The following KCNQ5 variants were observed in gnomAD, a reference collection of about 807,000 sequenced individuals.
The protein encoded by KCNQ5 is potassium voltage-gated channel subfamily Q member 5.
Under a neutral mutation model 98.2 loss-of-function variants are expected in KCNQ5, and 30 were observed. The ratio of observed to expected loss-of-function variants is 0.31; its 90% CI spans 0.23 to 0.41. The LOEUF (loss-of-function observed/expected upper bound fraction) is 0.41, where lower values mean the gene tolerates loss of function less well. Ranked by LOEUF, KCNQ5 falls within the 10% of genes least tolerant of loss-of-function variation. The probability of loss-of-function intolerance (pLI) is 1.00; values close to 1 mark genes in which losing one functional copy is unlikely to be tolerated. For synonymous variants in KCNQ5, 458 were observed against 449.4 expected, an observed-to-expected ratio of 1.02 and a Z score of -0.24; for missense variants, 835 against 1,182.5, an observed-to-expected ratio of 0.71 and a Z score of 4.31.
intron 1 of KCNQ5, among the ~76,000 whole-genome samples, chr6:72,835,153 A>G (rs749665887): frequency 1.6e-4 from 25 of 152,076 alleles, no homozygotes; most frequent in Non-Finnish European, 2.9e-4. Context: ...GTCAATGTGT[A>G]TAATGGTTTC....
intron 1 of KCNQ5, among the ~76,000 whole-genome samples, chr6:72,855,121 C>A (rs1777470057): frequency 6.6e-6 from 1 of 151,958 alleles, no homozygotes; most frequent in African/African-American, 2.4e-5. Context: ...CCAAGCCTCA[C>A]CAGTATTAAA....
intron 11 of KCNQ5, among the ~76,000 whole-genome samples, chr6:73,187,217 A>G (rs9360647): frequency 0.62 from 94,338 of 151,786 alleles, 31,940 homozygotes; most frequent in African/African-American, 0.9. Flanking sequence ...CCGTCACCAC[A>G]CCCAGCTAAT....
chr6:72,895,195 A>G (rs978362372), intron 1 of KCNQ5, among the ~76,000 whole-genome samples: 3 of 150,042 alleles, frequency 2.0e-5, no homozygotes, highest in Admixed American at 2.0e-4. Context: ...AGGCTGAGGC[A>G]GGAGAATGGC....
chr6:73,159,956 C>T (rs1482711962), intron 10 of KCNQ5, among the ~76,000 whole-genome samples: 1 of 152,150 alleles, frequency 6.6e-6, no homozygotes, highest in Admixed American at 6.5e-5. Flanking sequence ...CGTTATTATT[C>T]CTCCACAGAC....
chr6:72,822,898 T>C (rs756197008), intron 1 of KCNQ5, among the ~76,000 whole-genome samples: 1 of 152,196 alleles, frequency 6.6e-6, no homozygotes, highest in Non-Finnish European at 1.5e-5. Flanking sequence ...AAACCACCTG[T>C]ATTCCTTGAC....
At position 73,105,439 on chromosome 6, in the gene KCNQ5, T is replaced by C; in HGVS notation, c.1029+72T>C. The C allele has an allele frequency of 3.5e-6, 3 of 848,840 alleles. No individual in the cohort carries two copies. In the South Asian group the frequency reaches 6.0e-5, roughly 17 times the overall value. 52.6% of individuals were successfully genotyped at this position (848,840 alleles called of 1,614,324 possible). A position where few individuals can be genotyped will look rare whatever the true frequency, so the allele number is the denominator to read the frequency against. On this transcript the variant is annotated intron_variant, in intron 6 of 13. Coordinates refer to ENST00000370398, the MANE Select transcript of KCNQ5 (RefSeq NM_019842.4). ...ACTTATTAGAGTGAGCTCTCACAAA[T>C]TCGTATGCTTGGGAACATATCTATA...
rs912987593 is a variant in KCNQ5 at position 73,160,657 on chromosome 6, A to G, written c.1469-9089A>G. The stretch of plus-strand genomic sequence containing the variant: ...GTTGTCTCAAATTGCTCCTCTGCAA[A>G]ATATATCAGCAGCACCAAGGAACAC... On this transcript the variant is annotated intron_variant, in intron 10 of 13. Coordinates refer to ENST00000370398, the MANE Select transcript of KCNQ5 (RefSeq NM_019842.4). 1.1e-4 allele frequency among the ~76,000 whole-genome samples: 17 copies of G among 152,298 alleles called. No individual in the cohort carries two copies. The East Asian group carries it at 3.3e-3, about 29-fold the overall frequency.
chr6:72,902,052 A>C (rs746763137), intron 1 of KCNQ5, among the ~76,000 whole-genome samples: 9 of 152,122 alleles, frequency 5.9e-5, no homozygotes, highest in Non-Finnish European at 1.3e-4. Context: ...TTCCTTGTAG[A>C]GGTCTTTCAC....
At chr6:72,850,466 G>A (rs140638891) in intron 1 of KCNQ5, among the ~76,000 whole-genome samples, 58 of 152,264 alleles carry the variant, frequency 3.8e-4, no homozygotes, top group African/African-American at 1.4e-3. Context: ...TACACACACA[G>A]CAGCAGCACT....
chr6:73,125,482 G>C lies in KCNQ5; in HGVS notation c.1247+970G>C, dbSNP rs141754539. 3.8e-3 allele frequency: 1,966 copies of C among 517,462 alleles called. 32 individuals are homozygous for C. Among genetic ancestry groups the C allele is most frequent in the African/African-American group, 0.034 (1,742 of 51,968 alleles). 32.1% of individuals were successfully genotyped at this position (517,462 alleles called of 1,614,324 possible). A position where few individuals can be genotyped will look rare whatever the true frequency, so the allele number is the denominator to read the frequency against. On this transcript the variant is annotated intron_variant, in intron 9 of 13. Coordinates refer to ENST00000370398, the MANE Select transcript of KCNQ5 (RefSeq NM_019842.4). ...CATTTTTTTTCCTATCATTGTCACT[G>C]TGTTTCCATAAAGAAATGAAGGCAT...
At chr6:73,019,444 A>G (rs1216521797) in intron 2 of KCNQ5, among the ~76,000 whole-genome samples, 1 of 152,190 alleles carries the variant, frequency 6.6e-6, no homozygotes, top group South Asian at 2.1e-4. Flanking sequence ...TCAAAAGCAC[A>G]CTATATTCTG....
At position 72,981,679 on chromosome 6, in the gene KCNQ5, G is replaced by C. The variant is rs1194472657; in HGVS notation, c.399-22229G>C. 2.0e-5 allele frequency among the ~76,000 whole-genome samples: 3 copies of C among 152,056 alleles called. No homozygotes were observed. The South Asian group carries it at 6.2e-4, about 31-fold the overall frequency. On this transcript the variant is annotated intron_variant, in intron 1 of 13. Transcript: ENST00000370398. ...CTCCTTCAGTTCTGCTCTGATCTTA[G>C]TTATTCCTTGCCTTCTGCTAGCTTT...
chr6:72,970,579 G>C (rs984623842), intron 1 of KCNQ5, among the ~76,000 whole-genome samples: 5 of 152,096 alleles, frequency 3.3e-5, no homozygotes, highest in African/African-American at 1.2e-4. Context: ...GAGGCATCAC[G>C]CTACCTAACT....
At chr6:72,741,158 A>G (rs1771113752) in intron 1 of KCNQ5, among the ~76,000 whole-genome samples, 1 of 152,244 alleles carries the variant, frequency 6.6e-6, no homozygotes, top group Non-Finnish European at 1.5e-5. Flanking sequence ...ATAGGCAACG[A>G]GTTGAACTTT....
intron 1 of KCNQ5, among the ~76,000 whole-genome samples, chr6:72,977,023 A>G (rs1240184964): frequency 6.6e-6 from 1 of 152,274 alleles, no homozygotes; most frequent in Non-Finnish European, 1.5e-5. Context: ...TTTATATAAT[A>G]AACCAATATA....
intron 1 of KCNQ5, among the ~76,000 whole-genome samples, chr6:72,951,855 G>A (rs1275598102): frequency 6.6e-6 from 1 of 152,128 alleles, no homozygotes; most frequent in Non-Finnish European, 1.5e-5. Context: ...AGAGTGTAAT[G>A]TACTTCTAGA....
At chr6:72,746,830 A>G (rs1207130735) in intron 1 of KCNQ5, among the ~76,000 whole-genome samples, 2 of 152,186 alleles carry the variant, frequency 1.3e-5, no homozygotes, top group Non-Finnish European at 2.9e-5. Flanking sequence ...GTTATGCTAC[A>G]TTCTTGTGTT....
chr6:72,706,131 A>C (rs967055872), intron 1 of KCNQ5, among the ~76,000 whole-genome samples: 1 of 152,086 alleles, frequency 6.6e-6, no homozygotes, highest in Non-Finnish European at 1.5e-5. Context: ...AATGTCACTC[A>C]AGGTATAGTT....
intron 9 of KCNQ5, among the ~76,000 whole-genome samples, chr6:73,131,725 TATG>T (rs1776249799): frequency 6.6e-6 from 1 of 152,226 alleles, no homozygotes. Context: ...GATGCAGGTT[TATG>T]ATGTTATTGT....
Sources: gnomAD v4.1 joint callset for allele counts (sites outside exome capture counted in the v4.1 genomes callset) on GRCh38, gnomAD v4.1.1 for gene constraint, MANE v1.5 for transcripts, NCBI Gene and HGNC (gene_info 2026-07-23, HGNC 2026-07-21) for gene names.